Variants in ETHE1 observed in about 807,000 individuals in gnomAD.
ETHE1 encodes persulfide dioxygenase ETHE1, mitochondrial.
Under a neutral mutation model 25.7 loss-of-function variants are expected in ETHE1, and 16 were observed. That is an observed-to-expected ratio of 0.62 (90% confidence interval 0.42 to 0.95). The LOEUF (loss-of-function observed/expected upper bound fraction) is 0.95. ETHE1 is among the 40% of genes least tolerant of loss of function. The probability of loss-of-function intolerance (pLI) is 0.00; values close to 1 mark genes in which losing one functional copy is unlikely to be tolerated. For synonymous variants in ETHE1, 139 were observed against 135.9 expected (o/e 1.02, Z -0.16); for missense variants, 300 against 333.6 (o/e 0.90, Z 0.79).
At chr19:43,511,654 T>C in intron 3 of ETHE1, 88 bp from the exon 4 acceptor site, 2 of 1,438,980 alleles carry the variant, frequency 1.4e-6, no homozygotes, top group Non-Finnish European at 1.9e-6. Flanking sequence ...CCCCAGGGTC[T>C]TATCTAGATA....
rs112802980 is a variant in ETHE1, at chr19:43,510,377, C to A, written c.505+1060G>T. 6.7e-4 allele frequency among the ~76,000 whole-genome samples: 100 copies of A among 150,180 alleles called. 1 individual carries two copies. Among genetic ancestry groups the A allele is most frequent in the African/African-American group, 2.4e-3 (96 of 40,688 alleles). ...TTGAGATGAAGTCTCACTCTGTCAC[C>A]CAGGCTGGAGTGCAGTGGCGCAATC... On this transcript the variant is annotated intron_variant, in intron 4 of 6. Transcript: ENST00000292147.
Position 43,511,585 on chromosome 19 carries a change from T to TAC in ETHE1, c.376-21_376-20dup. 1 of 1,610,142 alleles carries TAC rather than the reference T, an allele frequency of 6.2e-7. No homozygotes were observed. The highest frequency in any genetic ancestry group is 2.2e-5 in the East Asian group (1 of 44,830). ...CCAACGCCTGGCAGGGGTGGAAGAG[T>TAC]ACAGAGATAGTCACCAAGAAGCCTT... On this transcript the variant is annotated intron_variant, in intron 3 of 6. Coordinates refer to ENST00000292147, the MANE Select transcript of ETHE1 (RefSeq NM_014297.5).
chr19:43,518,623 C>T (rs1158081971), intron 3 of ETHE1, among the ~76,000 whole-genome samples: 2 of 150,864 alleles, frequency 1.3e-5, no homozygotes, highest in Admixed American at 6.6e-5. Context: ...TGGTGGTGGG[C>T]GTCTGTAGTC....
At chr19:43,508,368 G>C (rs1447221147) in intron 5 of ETHE1, among the ~76,000 whole-genome samples, 1 of 81,706 alleles carries the variant, frequency 1.2e-5, no homozygotes, top group Non-Finnish European at 2.6e-5. Context: ...TTTTTTTTGA[G>C]ACAGGGGCTT....
Position 43,508,025 on chromosome 19 carries a change from G to C in ETHE1, c.631C>G (p.Leu211Val). ...TVSTVEEERT[L>V]NPRLTLSCEE... ...CAGCTGAGGGTGAGCCGAGGGTTCA[G>C]AGTCCTCTCCTCCTCCACGGTGGAC... Residue 211 changes from leucine (L) to valine (V), a missense_variant, in exon 6 of 7, where the codon CTG (leucine) becomes GTG (valine). Transcript: ENST00000292147. The C allele has an allele frequency of 6.2e-7, 1 of 1,614,154 alleles. No homozygotes were observed. The highest frequency in any genetic ancestry group is 8.5e-7 in the Non-Finnish European group (1 of 1,180,040).
chr19:43,508,761 C>A lies in ETHE1; in HGVS notation c.595+14G>T. On this transcript the variant is annotated intron_variant, in intron 5 of 6. Coordinates refer to ENST00000292147, the MANE Select transcript of ETHE1 (RefSeq NM_014297.5). ...AGTTATGTACGCCCCACACCTCTTC[C>A]AGGAAGCCCTCACCATGGTAATCGT... The A allele has an allele frequency of 6.3e-7, 1 of 1,584,156 alleles. No individual in the cohort carries two copies. The highest frequency in any genetic ancestry group is 8.6e-7 in the Non-Finnish European group (1 of 1,162,568).
rs763187239 is a variant in ETHE1, at chr19:43,506,868, C to T, written c.747G>A (p.Val249=). The T allele has an allele frequency of 1.9e-6, 3 of 1,613,732 alleles. No homozygotes were observed. In the South Asian group the frequency reaches 3.3e-5, roughly 18 times the overall value. ...AGTGAGATCAGGCAGTGGGTGTCTG[C>T]ACCCCACAGCGCATGTTGGCTGGAA... is the stretch of plus-strand genomic sequence containing the variant. ...FAVPANMRCG[V]QTPTA Residue 249 remains valine (V), a synonymous_variant, in exon 7 of 7, where the codon GTG becomes GTA. Coordinates refer to ENST00000292147, the MANE Select transcript of ETHE1 (RefSeq NM_014297.5).
chr19:43,506,912 A>G lies in ETHE1; in HGVS notation c.713-10T>C, dbSNP rs1011887017. 1.9e-6 allele frequency: 3 copies of G among 1,613,684 alleles called. No homozygotes were observed. Among genetic ancestry groups the G allele is most frequent in the African/African-American group, 2.7e-5 (2 of 74,882 alleles). On this transcript the variant is annotated splice_polypyrimidine_tract_variant and intron_variant, in intron 6 of 6. Coordinates refer to ENST00000292147, the MANE Select transcript of ETHE1 (RefSeq NM_014297.5). Reference sequence around the variant, plus strand: ...GCTGGAACAGCAAAGTCTGAAAGGAAGAAATCAAGGTTAAAACTAAGGGGC... The same window carrying G: ...GCTGGAACAGCAAAGTCTGAAAGGAGGAAATCAAGGTTAAAACTAAGGGGC...
intron 3 of ETHE1, among the ~76,000 whole-genome samples, chr19:43,512,865 G>A (rs1486949727): frequency 6.6e-6 from 1 of 152,198 alleles, no homozygotes; most frequent in Non-Finnish European, 1.5e-5. Flanking sequence ...CATGTCAGAG[G>A]TTTTCACAGC....
At chr19:43,512,402 T>C (rs1330682732) in intron 3 of ETHE1, among the ~76,000 whole-genome samples, 1 of 152,200 alleles carries the variant, frequency 6.6e-6, no homozygotes, top group East Asian at 1.9e-4. Flanking sequence ...GACATGGTCT[T>C]ACATGGAGAT....
At chr19:43,526,112 A>T in intron 3 of ETHE1, 89 bp downstream of exon 3, 2 of 1,594,766 alleles carry the variant, frequency 1.3e-6, no homozygotes, top group Non-Finnish European at 8.6e-7. Context: ...CTCCCCAAGG[A>T]CTCAGGATCC....
rs1003013104 is a variant in ETHE1, at chr19:43,526,969, T to C, written c.81+128A>G. On this transcript the variant is annotated intron_variant, in intron 1 of 6. Coordinates refer to ENST00000292147, the MANE Select transcript of ETHE1 (RefSeq NM_014297.5). Reference sequence around the variant, plus strand: ...GGACCCAAGAGTCCAGCCCTAAACCTCCACCCCGCTTTCCGCAAGATGCAG... The same window carrying C: ...GGACCCAAGAGTCCAGCCCTAAACCCCCACCCCGCTTTCCGCAAGATGCAG... 16 of 1,529,580 alleles carry C rather than the reference T, an allele frequency of 1.0e-5. No homozygotes were observed. In the East Asian group the frequency reaches 2.0e-4, roughly 19 times the overall value. The allele number at this position is 1,529,580 out of a possible 1,614,324, so 94.8% of individuals were successfully genotyped here.
At chr19:43,507,104 TCCCTCAG>T (rs1223254749) in intron 6 of ETHE1, among the ~76,000 whole-genome samples, 2 of 133,738 alleles carry the variant, frequency 1.5e-5, no homozygotes, top group East Asian at 4.8e-4. Context: ...CAGCCCCTCT[TCCCTCAG>T]ACCCAGGAGC....
rs548649852 is a variant in ETHE1, at chr19:43,508,814, G to T, written c.556C>A (p.Pro186Thr). Residue 186 changes from proline to threonine, a missense_variant, in exon 5 of 7, where the codon CCA (proline) becomes ACA (threonine). Transcript: ENST00000292147. ...GCAGGGTAGATCAGACAGTCTCCTG[G>T]AAGTGTGAAGATCTTTTCATGGACC... ...HSVHEKIFTL[P>T]GDCLIYPAHD... The T allele has an allele frequency of 6.2e-7, 1 of 1,608,750 alleles. No individual in the cohort carries two copies. The highest frequency in any genetic ancestry group is 8.5e-7 in the Non-Finnish European group (1 of 1,178,006).
chr19:43,520,917 C>G (rs1216090898), intron 3 of ETHE1, among the ~76,000 whole-genome samples: 2 of 152,010 alleles, frequency 1.3e-5, no homozygotes, highest in Non-Finnish European at 2.9e-5. Flanking sequence ...TCTAAGGGAC[C>G]TGGGGGATCA....
At chr19:43,526,799 C>G in intron 1 of ETHE1, 140 bp from the exon 2 acceptor site, 2 of 1,522,508 alleles carry the variant, frequency 1.3e-6, no homozygotes, top group African/African-American at 2.8e-5. Flanking sequence ...AGTCGGGAGT[C>G]CGGAGCCCCA....
At chr19:43,526,088 T>A in intron 3 of ETHE1, 113 bp downstream of exon 3, 1 of 1,531,902 alleles carries the variant, frequency 6.5e-7, no homozygotes, top group Non-Finnish European at 9.0e-7. Flanking sequence ...GAAACCCAGG[T>A]CCTGAGGTCC....
chr19:43,520,256 G>C (rs1415854431), intron 3 of ETHE1, among the ~76,000 whole-genome samples: 1 of 152,094 alleles, frequency 6.6e-6, no homozygotes, highest in East Asian at 1.9e-4. Context: ...CTGCTACTCG[G>C]GAGGCTGAGG....
At chr19:43,526,377 G>C (rs1972247388) in intron 2 of ETHE1, 28 bp from the exon 3 acceptor site, 2 of 1,613,926 alleles carry the variant, frequency 1.2e-6, no homozygotes, top group Non-Finnish European at 1.7e-6. Flanking sequence ...GACAGGTCCG[G>C]AGGGTACAGA....
Sources: gnomAD v4.1 joint callset for allele counts (sites outside exome capture counted in the v4.1 genomes callset) on GRCh38, gnomAD v4.1.1 for gene constraint, MANE v1.5 for transcripts, NCBI Gene and HGNC (gene_info 2026-07-23, HGNC 2026-07-21) for gene names.